KCNH1: variants seen among roughly 807,000 people sequenced by gnomAD.
KCNH1 encodes potassium voltage-gated channel subfamily H member 1.
A neutral mutation model predicts 69.2 loss-of-function variants in KCNH1; 27 were observed. The observed-to-expected ratio is 0.39, with a 90% confidence interval of 0.29 to 0.54. The LOEUF (loss-of-function observed/expected upper bound fraction) is 0.54, where lower values mean the gene tolerates loss of function less well. Ranked by LOEUF, KCNH1 falls within the 20% of genes least tolerant of loss-of-function variation. The pLI, the probability that KCNH1 is intolerant of heterozygous loss-of-function variation, is 0.68. For synonymous variants in KCNH1, 456 were observed against 487.7 expected, an observed-to-expected ratio of 0.93 and a Z score of 0.86; for missense variants, 798 against 1,261.6, an observed-to-expected ratio of 0.63 and a Z score of 5.57.
At chr1:211,108,875 G>A (rs1052455587) in intron 1 of KCNH1, among the ~76,000 whole-genome samples, 6 of 152,100 alleles carry the variant, frequency 3.9e-5, no homozygotes, top group African/African-American at 7.2e-5. Context: ...GTGCCAACAG[G>A]TGCCAAGCAC....
intron 7 of KCNH1, among the ~76,000 whole-genome samples, chr1:210,881,620 C>T (rs1686495831): frequency 1.3e-5 from 2 of 152,194 alleles, no homozygotes; most frequent in South Asian, 4.1e-4. Flanking sequence ...ATTGCCAAAA[C>T]TTGGAAGCAA....
intron 8 of KCNH1, among the ~76,000 whole-genome samples, chr1:210,801,701 G>C (rs1432588765): frequency 1.3e-5 from 2 of 152,194 alleles, no homozygotes; most frequent in Non-Finnish European, 2.9e-5. Context: ...AGGAGCCCTA[G>C]GGCAGAGAGA....
chr1:210,833,592 C>G (rs1278294186), intron 7 of KCNH1, among the ~76,000 whole-genome samples: 2 of 151,966 alleles, frequency 1.3e-5, no homozygotes, highest in Admixed American at 6.6e-5. Flanking sequence ...TAGAAGAAAA[C>G]CTAGGCATTA....
At chr1:210,885,280 C>A (rs1219838592) in intron 7 of KCNH1, among the ~76,000 whole-genome samples, 1 of 152,204 alleles carries the variant, frequency 6.6e-6, no homozygotes, top group Non-Finnish European at 1.5e-5. Context: ...CAGGGTGGGG[C>A]ATCACCTCAC....
chr1:210,819,256 A>T (rs1684878735), intron 7 of KCNH1, among the ~76,000 whole-genome samples: 1 of 152,206 alleles, frequency 6.6e-6, no homozygotes, highest in South Asian at 2.1e-4. Context: ...GATTTTGCAG[A>T]GTCTAGGAAA....
At chr1:210,954,129 C>T (rs1688117092) in intron 6 of KCNH1, among the ~76,000 whole-genome samples, 1 of 151,500 alleles carries the variant, frequency 6.6e-6, no homozygotes, top group Admixed American at 6.6e-5. Flanking sequence ...TTGTTCAGTT[C>T]CCACCTATGG....
chr1:210,793,953 A>G (rs1465048715), intron 9 of KCNH1, among the ~76,000 whole-genome samples: 3 of 152,172 alleles, frequency 2.0e-5, no homozygotes, highest in African/African-American at 7.2e-5. Context: ...TGTTTGGTCC[A>G]CTGCTATATC....
At chr1:210,864,642 G>T (rs982040683) in intron 7 of KCNH1, among the ~76,000 whole-genome samples, 2 of 152,188 alleles carry the variant, frequency 1.3e-5, no homozygotes, top group African/African-American at 4.8e-5. Context: ...ATCAAGGCAG[G>T]TGGAGAAAAT....
At chr1:210,986,513 T>C (rs2102384340) in intron 6 of KCNH1, among the ~76,000 whole-genome samples, 1 of 152,312 alleles carries the variant, frequency 6.6e-6, no homozygotes, top group East Asian at 1.9e-4. Flanking sequence ...TGCTTGTCTG[T>C]AAAGGATTTT....
chr1:211,083,620 T>G (rs533144094), intron 4 of KCNH1, among the ~76,000 whole-genome samples: 28 of 152,312 alleles, frequency 1.8e-4, no homozygotes, highest in African/African-American at 6.5e-4. Context: ...CCATGGCAGT[T>G]GCCCCATCAG....
intron 7 of KCNH1, among the ~76,000 whole-genome samples, chr1:210,814,339 A>G (rs1196932840): frequency 6.6e-6 from 1 of 152,210 alleles, no homozygotes; most frequent in Non-Finnish European, 1.5e-5. Context: ...AATGCTTATC[A>G]CAGTACCTTG....
chr1:210,888,597 T>C (rs1686673841), intron 7 of KCNH1, among the ~76,000 whole-genome samples: 1 of 152,032 alleles, frequency 6.6e-6, no homozygotes, highest in Non-Finnish European at 1.5e-5. Flanking sequence ...AAAAAACCCT[T>C]CAAAAAAATC....
Position 210,919,567 on chromosome 1 carries a change from G to T in KCNH1, c.1462+73C>A. ...AGTTATTATTCTCCTGATCCTGCTG[G>T]CACTGTAGCCATTTCCCTGTTTCCA... On this transcript the variant is annotated intron_variant, in intron 7 of 10. Coordinates refer to ENST00000271751, the MANE Select transcript of KCNH1 (RefSeq NM_172362.3). The surrounding 1 kb of genome is among the most constrained non-coding windows in gnomAD (Gnocchi z 4.2). 2 of 1,317,246 alleles carry T rather than the reference G, an allele frequency of 1.5e-6. No homozygotes were observed. Among genetic ancestry groups the T allele is most frequent in the Non-Finnish European group, 2.1e-6 (2 of 930,558 alleles). The allele number at this position is 1,317,246 out of a possible 1,614,324, so 81.6% of individuals were successfully genotyped here.
At chr1:211,070,105 T>C (rs1245665307) in intron 5 of KCNH1, among the ~76,000 whole-genome samples, 2 of 152,070 alleles carry the variant, frequency 1.3e-5, no homozygotes, top group Non-Finnish European at 2.9e-5. Context: ...ATCACAGAAG[T>C]GCAGAAAACA....
At chr1:210,998,517 C>T (rs761637399) in intron 6 of KCNH1, among the ~76,000 whole-genome samples, 1 of 152,080 alleles carries the variant, frequency 6.6e-6, no homozygotes, top group Non-Finnish European at 1.5e-5. Flanking sequence ...TAAAGCAAGT[C>T]CTGAGAGATC....
chr1:211,103,542 C>A lies in KCNH1; in HGVS notation c.264G>T (p.Glu88Asp). Residue 88 changes from glutamate to aspartate, a missense_variant, in exon 3 of 11, where the codon GAG (glutamate) becomes GAT (aspartate). Physicochemically the swap from Glu to Asp is conservative, Grantham distance 45. This residue lies in a region of KCNH1 where 266 missense variants were observed against 457.2 expected (regional missense o/e 0.58). Coordinates refer to ENST00000271751, the MANE Select transcript of KCNH1 (RefSeq NM_172362.3). ...TTTCAAAGGAATTCATCTCATAGTT[C>A]TCAAATGTTTGCCGCACTTTTTCAA... ...DTIEKVRQTF[E>D]NYEMNSFEIL... 6.2e-7 allele frequency: 1 copy of A among 1,613,602 alleles called. No individual in the cohort carries two copies.
At chr1:210,958,980 G>A (rs528290297) in intron 6 of KCNH1, among the ~76,000 whole-genome samples, 1 of 152,318 alleles carries the variant, frequency 6.6e-6, no homozygotes. Context: ...ATCCTTTGGA[G>A]GAGAAAATGT....
intron 9 of KCNH1, among the ~76,000 whole-genome samples, chr1:210,789,838 C>T (rs1684178842): frequency 6.6e-6 from 1 of 152,196 alleles, no homozygotes; most frequent in African/African-American, 2.4e-5. Flanking sequence ...ACTTACTTTG[C>T]TTATCATAAG....
intron 10 of KCNH1, among the ~76,000 whole-genome samples, chr1:210,717,773 G>A (rs1370681775): frequency 6.6e-6 from 1 of 152,176 alleles, no homozygotes; most frequent in East Asian, 1.9e-4. Flanking sequence ...AGCCACATAT[G>A]TGAATTTTCT....
Sources: gnomAD v4.1 joint callset for allele counts (sites outside exome capture counted in the v4.1 genomes callset) on GRCh38, gnomAD v4.1.1 for gene constraint, gnomAD v4.1.1 regional missense constraint, Gnocchi (gnomAD v3.1) non-coding constraint, MANE v1.5 for transcripts, NCBI Gene and HGNC (gene_info 2026-07-23, HGNC 2026-07-21) for gene names.